IRS1: variants seen among roughly 807,000 people sequenced by gnomAD.
IRS1 encodes the protein insulin receptor substrate 1.
In IRS1, 34 loss-of-function variants were observed where a neutral mutation model predicts 65.6. The observed-to-expected ratio is 0.52, with a 90% CI of 0.39 to 0.69. IRS1 has a LOEUF of 0.69. Among genes scored for constraint, IRS1 ranks in the 30% least tolerant of loss-of-function variants. The probability of loss-of-function intolerance (pLI) is 0.00; values close to 1 mark genes in which losing one functional copy is unlikely to be tolerated. For missense variants in IRS1, 1,641 were observed against 1,720.2 expected (o/e 0.95, Z 0.81); for synonymous variants, 699 against 683.5 (o/e 1.02, Z -0.35).
At chr2:226,770,454 T>A (rs2106171457) in intron 1 of IRS1, among the ~76,000 whole-genome samples, 1 of 152,350 alleles carries the variant, frequency 6.6e-6, no homozygotes, top group East Asian at 1.9e-4. Flanking sequence ...TATTTCTCCC[T>A]CTAGAACATA....
In IRS1 at chr2:226,795,943, T is replaced by C. The variant is rs1437289482; in HGVS notation, c.2796A>G (p.Arg932=). ...ACTCCTCAGTGCCAGTCTCTTCCTC[T>C]CTGGGAGCTGGCTGGAGCTGGGATG... The part of the protein sequence containing the change: ...RCPSQLQPAP[R]EEETGTEEYM... Residue 932 remains arginine, a synonymous_variant, in exon 1 of 2, where the codon AGA becomes AGG. Coordinates refer to ENST00000305123, the MANE Select transcript of IRS1 (RefSeq NM_005544.3). The C allele has an allele frequency of 1.2e-6, 2 of 1,614,078 alleles. No individual in the cohort carries two copies. The highest frequency in any genetic ancestry group is 1.7e-6 in the Non-Finnish European group (2 of 1,180,050).
intron 1 of IRS1, among the ~76,000 whole-genome samples, chr2:226,742,726 A>AAAAAAAAAAAAAAAAAAAAAAG (rs1431863272): frequency 1.8e-4 from 26 of 147,892 alleles, no homozygotes; most frequent in South Asian, 9.1e-4. Flanking sequence ...AAAAAAAAAA[A>AAAAAAAAAAAAAAAAAAAAAAG]AGAAGACCGA....
At chr2:226,741,809 A>ACACACACG (rs1553528267) in intron 1 of IRS1, among the ~76,000 whole-genome samples, 2 of 149,126 alleles carry the variant, frequency 1.3e-5, no homozygotes, top group African/African-American at 4.9e-5. Flanking sequence ...ACACACACAC[A>ACACACACG]CACACACACA....
chr2:226,750,493 C>T (rs1391221784), intron 1 of IRS1, among the ~76,000 whole-genome samples: 1 of 151,988 alleles, frequency 6.6e-6, no homozygotes, highest in East Asian at 1.9e-4. Context: ...TGGGGACTTC[C>T]ACAGGTGAGG....
intron 1 of IRS1, among the ~76,000 whole-genome samples, chr2:226,782,590 G>C (rs1469165096): frequency 6.6e-6 from 1 of 152,200 alleles, no homozygotes; most frequent in Non-Finnish European, 1.5e-5. Context: ...TGTAAGTGGG[G>C]ACAAGCAGTA....
chr2:226,742,510 C>T (rs1020074030), intron 1 of IRS1, among the ~76,000 whole-genome samples: 5 of 152,126 alleles, frequency 3.3e-5, no homozygotes, highest in African/African-American at 1.2e-4. Context: ...TGGTGCAAGT[C>T]ACATGGGAGA....
chr2:226,786,075 G>A (rs558525498), intron 1 of IRS1, among the ~76,000 whole-genome samples: 6,403 of 136,342 alleles, frequency 0.047, 319 homozygotes, highest in East Asian at 0.12. Flanking sequence ...ACATGCACTC[G>A]TCCTTTTTTA....
intron 1 of IRS1, among the ~76,000 whole-genome samples, chr2:226,782,226 C>T (rs1939397645): frequency 6.6e-6 from 1 of 152,062 alleles, no homozygotes; most frequent in Non-Finnish European, 1.5e-5. Context: ...TCTTGGCTCC[C>T]CTCCATGACA....
At chr2:226,755,781 A>G (rs1938784968) in intron 1 of IRS1, among the ~76,000 whole-genome samples, 1 of 152,240 alleles carries the variant, frequency 6.6e-6, no homozygotes, top group African/African-American at 2.4e-5. Context: ...CTCAGGCTTT[A>G]AAAACTGGGT....
At chr2:226,738,810 C>T (rs975192594) in intron 1 of IRS1, among the ~76,000 whole-genome samples, 2 of 152,206 alleles carry the variant, frequency 1.3e-5, no homozygotes, top group Non-Finnish European at 2.9e-5. Context: ...AGGAAGGCCA[C>T]ACTTTATTAA....
rs56992515 is a variant in IRS1 at position 226,777,699 on chromosome 2, C to T, written c.*21+17290G>A. Among the ~76,000 whole-genome samples the T allele has an allele frequency of 3.5e-3, 532 of 152,202 alleles. 3 individuals carry two copies. Among genetic ancestry groups the T allele is most frequent in the African/African-American group, 0.012 (484 of 41,540 alleles). On this transcript the variant is annotated intron_variant, in intron 1 of 1. Transcript: ENST00000305123. ...TCATGTGATCTGATAGTTTTAAAAA[C>T]GGGGGTTTCTCTGCACAAGCTCTCT...
chr2:226,758,000 T>C (rs551913464), intron 1 of IRS1, among the ~76,000 whole-genome samples: 8 of 152,212 alleles, frequency 5.3e-5, no homozygotes, highest in Non-Finnish European at 1.0e-4. Context: ...TATCAATAAT[T>C]TACAATTTGC....
rs142745948 is a variant in IRS1 at position 226,796,486 on chromosome 2, G to A, written c.2253C>T (p.Tyr751=). ...SNTSSPSDCY[Y]GPEDPQHKPV... The stretch of plus-strand genomic sequence containing the variant: ...GCTTGTGCTGGGGGTCCTCAGGGCC[G>A]TAGTAGCAGTCGGAGGGGCTGCTGG... Residue 751 remains tyrosine, a synonymous_variant, in exon 1 of 2, where the codon TAC becomes TAT. Coordinates refer to ENST00000305123, the MANE Select transcript of IRS1 (RefSeq NM_005544.3). 23 of 1,613,892 alleles carry A rather than the reference G, an allele frequency of 1.4e-5. No homozygotes were observed. In the African/African-American group the frequency reaches 2.0e-4, roughly 14 times the overall value.
intron 1 of IRS1, among the ~76,000 whole-genome samples, chr2:226,763,292 G>C (rs998157621): frequency 2.6e-5 from 4 of 152,000 alleles, no homozygotes; most frequent in Admixed American, 1.3e-4. Flanking sequence ...CATTTTTGGG[G>C]TTTTTCTTTT....
chr2:226,775,707 AG>A (rs1303478707), intron 1 of IRS1, among the ~76,000 whole-genome samples: 1 of 152,184 alleles, frequency 6.6e-6, no homozygotes, highest in East Asian at 1.9e-4. Flanking sequence ...GATTGGTTTC[AG>A]GATTCCTGTG....
In IRS1 at chr2:226,733,593, C is replaced by T. The variant is rs1307332450; in HGVS notation, c.*2679G>A. 1 of 152,154 alleles carries T rather than the reference C, an allele frequency of 6.6e-6. No individual in the cohort carries two copies. Among genetic ancestry groups the T allele is most frequent in the Non-Finnish European group, 1.5e-5 (1 of 68,044 alleles). The allele number at this position is 152,154 out of a possible 1,614,324, so 9.4% of individuals were successfully genotyped here. A position where few individuals can be genotyped will look rare whatever the true frequency, so the allele number is the denominator to read the frequency against. On this transcript the variant is annotated 3_prime_UTR_variant, in exon 2 of 2. Coordinates refer to ENST00000305123, the MANE Select transcript of IRS1 (RefSeq NM_005544.3). ...GAGAGGTTGGTGTCATCAAGAAAAACCCACTAACTTCTAGGTTAACCAGAG... is the reference window on the plus strand; with the variant it reads ...GAGAGGTTGGTGTCATCAAGAAAAATCCACTAACTTCTAGGTTAACCAGAG...
chr2:226,787,558 G>A (rs1276022260), intron 1 of IRS1, among the ~76,000 whole-genome samples: 3 of 152,042 alleles, frequency 2.0e-5, no homozygotes, highest in Non-Finnish European at 4.4e-5. Flanking sequence ...GTACTATTTG[G>A]AACATGATAG....
intron 1 of IRS1, among the ~76,000 whole-genome samples, chr2:226,744,451 TAGA>T (rs776228839): frequency 6.6e-6 from 1 of 152,092 alleles, no homozygotes; most frequent in Non-Finnish European, 1.5e-5. Flanking sequence ...TCAACCTCAG[TAGA>T]AGATTTTCCC....
In IRS1 at chr2:226,796,487, T is replaced by C. The variant is rs1479479676; in HGVS notation, c.2252A>G (p.Tyr751Cys). 4 of 1,613,782 alleles carry C rather than the reference T, an allele frequency of 2.5e-6. No homozygotes were observed. Among genetic ancestry groups the C allele is most frequent in the East Asian group, 2.2e-5 (1 of 44,866 alleles). ...CTTGTGCTGGGGGTCCTCAGGGCCGTAGTAGCAGTCGGAGGGGCTGCTGGT... is the reference window on the plus strand; with the variant it reads ...CTTGTGCTGGGGGTCCTCAGGGCCGCAGTAGCAGTCGGAGGGGCTGCTGGT... ...SNTSSPSDCY[Y>C]GPEDPQHKPV... The change falls in exon 1 of 2, where the codon TAC becomes TGC. Residue 751 changes from tyrosine to cysteine, a missense_variant. Transcript: ENST00000305123.
Sources: gnomAD v4.1 joint callset for allele counts (sites outside exome capture counted in the v4.1 genomes callset) on GRCh38, gnomAD v4.1.1 for gene constraint, MANE v1.5 for transcripts, NCBI Gene and HGNC (gene_info 2026-07-23, HGNC 2026-07-21) for gene names.